Variants in EIF2B3 observed in about 807,000 individuals in gnomAD.
EIF2B3 encodes eukaryotic translation initiation factor 2B subunit gamma.
A neutral mutation model predicts 54.1 loss-of-function variants in EIF2B3; 20 were observed. The observed-to-expected ratio is 0.37, with a 90% CI of 0.26 to 0.54. The LOEUF (loss-of-function observed/expected upper bound fraction) is 0.54, where lower values mean the gene tolerates loss of function less well. Ranked by LOEUF, EIF2B3 falls within the 20% of genes least tolerant of loss-of-function variation. EIF2B3 has a pLI of 0.86. For synonymous variants in EIF2B3, 153 were observed against 188.1 expected (o/e 0.81, Z 1.52); for missense variants, 448 against 547.8 (o/e 0.82, Z 1.82).
intron 2 of EIF2B3, 93 bp from the exon 3 acceptor site, chr1:44,978,553 G>T: frequency 7.6e-7 from 1 of 1,308,062 alleles, no homozygotes; most frequent in Non-Finnish European, 1.1e-6. Flanking sequence ...CTATTTCTAG[G>T]TGTAATAACA....
At chr1:44,986,121 T>TTTC (rs1644572032) in intron 1 of EIF2B3, among the ~76,000 whole-genome samples, 1 of 145,830 alleles carries the variant, frequency 6.9e-6, no homozygotes, top group South Asian at 2.1e-4. Context: ...CGAAACTTCG[T>TTTC]TTCTTTCTTT....
chr1:44,971,564 A>C (rs1644399759), intron 3 of EIF2B3, among the ~76,000 whole-genome samples: 1 of 152,170 alleles, frequency 6.6e-6, no homozygotes, highest in African/African-American at 2.4e-5. Context: ...TTACTGGGCC[A>C]AAAATAACTT....
intron 3 of EIF2B3, among the ~76,000 whole-genome samples, chr1:44,976,035 T>C (rs1164157568): frequency 6.6e-6 from 1 of 151,884 alleles, no homozygotes; most frequent in Non-Finnish European, 1.5e-5. Flanking sequence ...TAGAAGAACA[T>C]CTACACAAAG....
chr1:44,928,500 GTT>G (rs113385864), intron 4 of EIF2B3, among the ~76,000 whole-genome samples: 12 of 139,152 alleles, frequency 8.6e-5, no homozygotes, highest in South Asian at 2.2e-4. Flanking sequence ...AGGGCGCTTC[GTT>G]TTTTTTTTTT....
chr1:44,919,860 G>A (rs1373831506), intron 5 of EIF2B3, among the ~76,000 whole-genome samples: 2 of 147,252 alleles, frequency 1.4e-5, no homozygotes, highest in African/African-American at 5.0e-5. Context: ...GGGATTACAC[G>A]CATGCGACAA....
At chr1:44,921,439 G>T (rs1643736186) in intron 5 of EIF2B3, among the ~76,000 whole-genome samples, 2 of 152,128 alleles carry the variant, frequency 1.3e-5, no homozygotes, top group Non-Finnish European at 1.5e-5. Context: ...GTGCTTGTGG[G>T]GTATTACTCA....
chr1:44,960,513 C>G (rs979245726), intron 3 of EIF2B3, among the ~76,000 whole-genome samples: 1 of 152,058 alleles, frequency 6.6e-6, no homozygotes, highest in African/African-American at 2.4e-5. Context: ...GTGGCGGGCG[C>G]CTGTAGTCCC....
intron 10 of EIF2B3, among the ~76,000 whole-genome samples, chr1:44,861,804 G>A (rs1291228933): frequency 6.6e-6 from 1 of 152,170 alleles, no homozygotes; most frequent in Non-Finnish European, 1.5e-5. Context: ...ATCTGTGGAA[G>A]GCTTTGAGAT....
intron 8 of EIF2B3, among the ~76,000 whole-genome samples, chr1:44,877,192 TAAA>T (rs768263508): frequency 1.2e-4 from 6 of 52,078 alleles, no homozygotes; most frequent in African/African-American, 1.8e-4. Context: ...GAATGATCAA[TAAA>T]AAAAAAAAAA....
chr1:44,959,326 T>C, intron 3 of EIF2B3: 1 of 608,988 alleles, frequency 1.6e-6, no homozygotes, highest in Non-Finnish European at 3.0e-6. Flanking sequence ...TAGTTTTGCC[T>C]CTCCTCTCTG....
chr1:44,923,147 A>G (rs1643785562), intron 5 of EIF2B3, among the ~76,000 whole-genome samples: 1 of 152,158 alleles, frequency 6.6e-6, no homozygotes, highest in Admixed American at 6.6e-5. Context: ...TTCCAAATAC[A>G]AGATTATTTC....
At chr1:44,965,579 T>C (rs1167195092) in intron 3 of EIF2B3, among the ~76,000 whole-genome samples, 2 of 151,788 alleles carry the variant, frequency 1.3e-5, no homozygotes, top group Admixed American at 1.3e-4. Context: ...ACTAATGCTT[T>C]TGGAGGCAAT....
intron 5 of EIF2B3, among the ~76,000 whole-genome samples, chr1:44,922,877 G>A (rs1643780499): frequency 1.7e-5 from 1 of 57,912 alleles, no homozygotes; most frequent in African/African-American, 7.0e-5. Flanking sequence ...ACTGAGTCTT[G>A]CTCTGTTGCC....
intron 2 of EIF2B3, among the ~76,000 whole-genome samples, chr1:44,979,729 C>T (rs893760161): frequency 2.0e-5 from 3 of 151,766 alleles, no homozygotes; most frequent in Non-Finnish European, 2.9e-5. Context: ...TTTGGAAGGC[C>T]GAGACAGGCA....
chr1:44,942,417 A>ATATATATATATATTTATT (rs1557697130), intron 3 of EIF2B3, among the ~76,000 whole-genome samples: 1 of 5,190 alleles, frequency 1.9e-4, no homozygotes, highest in Non-Finnish European at 2.6e-4. Flanking sequence ...ATATATATAT[A>ATATATATATATATTTATT]TTTTTTTTTT....
chr1:44,874,494 G>T, intron 10 of EIF2B3, 184 bp downstream of exon 10: 1 of 644,502 alleles, frequency 1.6e-6, no homozygotes, highest in Non-Finnish European at 2.6e-6. Context: ...TTCCATTTTA[G>T]AGGAATAAAT....
At chr1:44,897,507 C>T in intron 5 of EIF2B3, 63 bp from the exon 6 acceptor site, 1 of 1,305,402 alleles carries the variant, frequency 7.7e-7, no homozygotes, top group Non-Finnish European at 1.1e-6. Flanking sequence ...ACATGGTCTC[C>T]ATTCTATTAT....
rs751796128 is a variant in EIF2B3, at chr1:44,866,558, AT to A, written c.1202+8119del. 6.1e-3 allele frequency among the ~76,000 whole-genome samples: 872 copies of A among 143,678 alleles called. 2 individuals are homozygous for A. The highest frequency in any genetic ancestry group is 0.01 in the African/African-American group (396 of 39,386). The allele number at this position is 143,678 out of a possible 152,430, so 94.3% of individuals were successfully genotyped here. On this transcript the variant is annotated intron_variant, in intron 10 of 11. Transcript: ENST00000360403. ...GGGAAAATAGTTTATGGCTATGACA[AT>A]TTTTTTTTTTTTTTAGATGGAGTCT...
rs1553179559 is a variant in EIF2B3 at position 44,962,204 on chromosome 1, A to ATCAT, written c.294+16110_294+16111insATGA. 4.9e-4 allele frequency among the ~76,000 whole-genome samples: 72 copies of ATCAT among 146,440 alleles called. 1 individual carries two copies. The highest frequency in any genetic ancestry group is 1.6e-3 in the African/African-American group (63 of 39,754). On this transcript the variant is annotated intron_variant, in intron 3 of 11. Coordinates refer to ENST00000360403, the MANE Select transcript of EIF2B3 (RefSeq NM_020365.5). ...CGAAACTCCGTCTCAATCATCATCA[A>ATCAT]CATCATCATCATCATCATCATCATC...
Sources: allele counts gnomAD v4.1 joint callset (sites outside exome capture counted in the v4.1 genomes callset), GRCh38; gene constraint gnomAD v4.1.1; transcripts MANE v1.5; gene names NCBI Gene and HGNC (gene_info 2026-07-23, HGNC 2026-07-21).